PSG6: variants seen among roughly 807,000 people sequenced by gnomAD.
PSG6 encodes pregnancy-specific beta-1-glycoprotein 6.
In PSG6, 51 loss-of-function variants were observed where a neutral mutation model predicts 43.3. The observed-to-expected ratio is 1.18, with a 90% confidence interval of 0.94 to 1.49. The LOEUF is 1.49. PSG6 is among the 40% of genes most tolerant of loss of function. The pLI, the probability that PSG6 is intolerant of heterozygous loss-of-function variation, is 0.00. For missense variants in PSG6, 770 were observed against 522.2 expected (o/e 1.47, Z -4.62); for synonymous variants, 292 against 197.6 (o/e 1.48, Z -4.01).
intron 2 of PSG6, among the ~76,000 whole-genome samples, chr19:42,914,306 G>T (rs113486266): frequency 2.6e-5 from 4 of 151,342 alleles, no homozygotes; most frequent in African/African-American, 9.7e-5. Context: ...CAGTGTTAGC[G>T]GGAAGGGAAC....
At position 42,902,428 on chromosome 19, in the gene PSG6, T is replaced by A. The variant is rs765634765; in HGVS notation, c.1259A>T (p.Gln420Leu). 2 of 1,611,290 alleles carry A rather than the reference T, an allele frequency of 1.2e-6. No individual in the cohort carries two copies. The highest frequency in any genetic ancestry group is 1.7e-6 in the Non-Finnish European group (2 of 1,178,452). Reference sequence around the variant, plus strand: ...TGGCAGCCATTAATGAGACTCTGTCTGGTTTCCATGGCAGGGACCTGATTG... The same window carrying A: ...TGGCAGCCATTAATGAGACTCTGTCAGGTTTCCATGGCAGGGACCTGATTG... ...VKVSGPCHGN[Q>L]TESH Residue 420 changes from glutamine to leucine, a missense_variant, in exon 6 of 6, where the codon CAG becomes CTG. Transcript: ENST00000187910.
intron 5 of PSG6, among the ~76,000 whole-genome samples, chr19:42,903,086 T>C (rs1288723252): frequency 6.6e-6 from 1 of 151,602 alleles, no homozygotes; most frequent in Non-Finnish European, 1.5e-5. Flanking sequence ...TTTCCTGGTG[T>C]CATATGGCTA....
chr19:42,914,929 A>G lies in PSG6; in HGVS notation c.427+1196T>C, dbSNP rs187311344. ...GTTAAGATCTGAGGGGGAGACCTGGACATTTTTTTTGCACTGACTCTGGCG... is the reference window on the plus strand; with the variant it reads ...GTTAAGATCTGAGGGGGAGACCTGGGCATTTTTTTTGCACTGACTCTGGCG... On this transcript the variant is annotated intron_variant, in intron 2 of 5. Coordinates refer to ENST00000187910, the MANE Select transcript of PSG6 (RefSeq NM_001031850.4). Among the ~76,000 whole-genome samples the G allele has an allele frequency of 1.6e-4, 24 of 151,722 alleles. 1 individual carries two copies. Among genetic ancestry groups the G allele is most frequent in the African/African-American group, 5.6e-4 (23 of 41,366 alleles).
Position 42,906,939 on chromosome 19 carries a change from A to G in PSG6, c.1223T>C (p.Met408Thr), listed in dbSNP as rs749933600. Reference protein sequence around the residue: ...SATGKEISKSMIVKVSGPCHG... With the variant: ...SATGKEISKSTIVKVSGPCHG... ...CCACTTACCAGAGACTTTGACTATC[A>G]TGGATTTGGAGATTTCCTTGCCAGT... is the stretch of plus-strand genomic sequence containing the variant. The change falls in exon 5 of 6, where the codon ATG (methionine) becomes ACG (threonine). Residue 408 changes from methionine (M) to threonine (T), a missense_variant. By Grantham distance (81) the Met-to-Thr change is moderately conservative (BLOSUM62 -1). Transcript: ENST00000187910. The G allele has an allele frequency of 6.2e-7, 1 of 1,612,308 alleles. No individual in the cohort carries two copies. Among genetic ancestry groups the G allele is most frequent in the Non-Finnish European group, 8.5e-7 (1 of 1,179,070 alleles).
chr19:42,913,418 T>C (rs1039219055), intron 2 of PSG6, among the ~76,000 whole-genome samples: 5 of 151,850 alleles, frequency 3.3e-5, no homozygotes, highest in African/African-American at 1.2e-4. Flanking sequence ...GTGCTGGGAT[T>C]ATAGGCGTGA....
Position 42,915,488 on chromosome 19 carries a change from G to T in PSG6, c.427+637C>A, listed in dbSNP as rs530545979. The T allele has an allele frequency of 1.9e-5, 3 of 154,106 alleles. 1 individual carries two copies. The highest frequency in any genetic ancestry group is 4.1e-4 in the South Asian group (2 of 4,820). 9.5% of individuals were successfully genotyped at this position (154,106 alleles called of 1,614,324 possible). ...TGTCCTAGGCCTCCTAAGGCAGTTG[G>T]CTGATGGCCTACAAAGCTTGTCTTT... On this transcript the variant is annotated intron_variant, in intron 2 of 5. Coordinates refer to ENST00000187910, the MANE Select transcript of PSG6 (RefSeq NM_001031850.4).
chr19:42,915,195 C>T (rs1315618738), intron 2 of PSG6: 3 of 151,650 alleles, frequency 2.0e-5, no homozygotes, highest in East Asian at 1.9e-4. Flanking sequence ...GTGACTGTGC[C>T]TTCCTGTGCC....
rs778158670 is a variant in PSG6, at chr19:42,907,736, A to G, written c.825T>C (p.Asn275=). 4 of 1,610,732 alleles carry G rather than the reference A, an allele frequency of 2.5e-6. No homozygotes were observed. In the East Asian group the frequency reaches 8.9e-5, roughly 36 times the overall value. ...TCGGACTGACCGGGAGGCTCTGACCATTTAGCCACCAAATGTAGGTGTAGT... is the reference window on the plus strand; with the variant it reads ...TCGGACTGACCGGGAGGCTCTGACCGTTTAGCCACCAAATGTAGGTGTAGT... ...SRNYTYIWWL[N]GQSLPVSPRV... Residue 275 remains asparagine, a synonymous_variant, in exon 4 of 6, where the codon AAT becomes AAC. Transcript: ENST00000187910.
In PSG6 at chr19:42,907,078, C is replaced by G. The variant is rs74994349; in HGVS notation, c.1084G>C (p.Glu362Gln). Residue 362 changes from glutamate (E) to glutamine (Q), a missense_variant, in exon 5 of 6, where the codon GAG becomes CAG. Transcript: ENST00000187910. ...SCFADSNPPA[E>Q]YSWTINGKFQ... ...TTCCCATTAATTGTCCAAGAATACT[C>G]TGCCGGTGGGTTAGAGTCCGCAAAG... is the stretch of plus-strand genomic sequence containing the variant. The G allele has an allele frequency of 2.9e-3, 4,672 of 1,612,712 alleles. 198 individuals carry two copies. In the East Asian group the frequency reaches 0.058, roughly 20 times the overall value.
At position 42,902,273 on chromosome 19, in the gene PSG6, C is replaced by T. The variant is rs951755069; in HGVS notation, c.*139G>A. ...GAATAAAACATTCCAAGAATCAGCACATTTTCCAATAAAAAATTATGAAAA... is the reference window on the plus strand; with the variant it reads ...GAATAAAACATTCCAAGAATCAGCATATTTTCCAATAAAAAATTATGAAAA... On this transcript the variant is annotated 3_prime_UTR_variant, in exon 6 of 6. Coordinates refer to ENST00000187910, the MANE Select transcript of PSG6 (RefSeq NM_001031850.4). 2.1e-5 allele frequency: 23 copies of T among 1,101,970 alleles called. No individual in the cohort carries two copies. Among genetic ancestry groups the T allele is most frequent in the South Asian group, 4.1e-5 (2 of 48,248 alleles). The allele number at this position is 1,101,970 out of a possible 1,614,324, so 68.3% of individuals were successfully genotyped here. A position where few individuals can be genotyped will look rare whatever the true frequency, so the allele number is the denominator to read the frequency against.
intron 4 of PSG6, 73 bp from the exon 5 acceptor site, chr19:42,907,249 C>G: frequency 6.4e-7 from 1 of 1,557,320 alleles, no homozygotes; most frequent in South Asian, 1.3e-5. Flanking sequence ...CTTAAAGGGA[C>G]ACAGTGACCC....
Position 42,916,450 on chromosome 19 carries a change from G to C in PSG6, c.102C>G (p.Ala34=), listed in dbSNP as rs774696332. The change falls in exon 2 of 6, where the codon GCC becomes GCG. Residue 34 remains alanine (A), a synonymous_variant. Coordinates refer to ENST00000187910, the MANE Select transcript of PSG6 (RefSeq NM_001031850.4). ...LLNFWNLPTT[A]QVIIEAKPPK... ...GTGGCTTGGCTTCAATTATTACTTGGGCAGTGGTGGGCAGGTTCCAGAAGT... is the reference window on the plus strand; with the variant it reads ...GTGGCTTGGCTTCAATTATTACTTGCGCAGTGGTGGGCAGGTTCCAGAAGT... The C allele has an allele frequency of 6.2e-7, 1 of 1,611,672 alleles. No homozygotes were observed. Among genetic ancestry groups the C allele is most frequent in the Non-Finnish European group, 8.5e-7 (1 of 1,178,880 alleles).
At chr19:42,902,741 G>T (rs1173498533) in intron 5 of PSG6, among the ~76,000 whole-genome samples, 1 of 151,250 alleles carries the variant, frequency 6.6e-6, no homozygotes, top group Non-Finnish European at 1.5e-5. Context: ...TTCCCTCACA[G>T]GTGTCTTCCC....
intron 1 of PSG6, 50 bp from the exon 2 acceptor site, chr19:42,916,537 T>G (rs1408946145): frequency 2.5e-6 from 4 of 1,569,464 alleles, no homozygotes; most frequent in African/African-American, 1.4e-5. Flanking sequence ...TGTATTGGGG[T>G]GAAAAGATGG....
At position 42,910,559 on chromosome 19, in the gene PSG6, A is replaced by T. The variant is rs369740844; in HGVS notation, c.706+21T>A. 6.8e-6 allele frequency: 11 copies of T among 1,612,492 alleles called. 1 individual carries two copies. Among genetic ancestry groups the T allele is most frequent in the Non-Finnish European group, 9.3e-6 (11 of 1,179,294 alleles). ...TATTTGGGATGGCAGCCTGGCTCAC[A>T]GAGGAACAGAAGATACTCACGGAGG... On this transcript the variant is annotated intron_variant, in intron 3 of 5. Coordinates refer to ENST00000187910, the MANE Select transcript of PSG6 (RefSeq NM_001031850.4).
In PSG6 at chr19:42,906,956, C is replaced by T. The variant is rs185561006; in HGVS notation, c.1206G>A (p.Lys402=). The stretch of plus-strand genomic sequence containing the variant: ...TGACTATCATGGATTTGGAGATTTC[C>T]TTGCCAGTGGCTGAGTTACGAACAG... ...ACSVRNSATG[K]EISKSMIVKV... Residue 402 remains lysine, a synonymous_variant, in exon 5 of 6, where the codon AAG becomes AAA. Coordinates refer to ENST00000187910, the MANE Select transcript of PSG6 (RefSeq NM_001031850.4). The T allele has an allele frequency of 7.9e-4, 1,279 of 1,612,396 alleles. 51 individuals are homozygous for T. In the South Asian group the frequency reaches 0.01, roughly 13 times the overall value.
chr19:42,907,282 A>G (rs1972133065), intron 4 of PSG6, 106 bp from the exon 5 acceptor site: 2 of 1,510,636 alleles, frequency 1.3e-6, no homozygotes, highest in Non-Finnish European at 1.8e-6. Flanking sequence ...CACAACCTCA[A>G]GTGACAGCCA....
At chr19:42,903,091 T>C (rs1399979605) in intron 5 of PSG6, among the ~76,000 whole-genome samples, 1 of 151,626 alleles carries the variant, frequency 6.6e-6, no homozygotes, top group Non-Finnish European at 1.5e-5. Flanking sequence ...TGGTGTCATA[T>C]GGCTAGTGAC....
intron 2 of PSG6, among the ~76,000 whole-genome samples, chr19:42,913,293 G>A (rs1462719791): frequency 6.6e-5 from 10 of 151,676 alleles, no homozygotes; most frequent in East Asian, 3.9e-4. Context: ...TGGGACTACA[G>A]GTGACCACCA....
Sources: gnomAD v4.1 joint callset for allele counts (sites outside exome capture counted in the v4.1 genomes callset) on GRCh38, gnomAD v4.1.1 for gene constraint, MANE v1.5 for transcripts, NCBI Gene and HGNC (gene_info 2026-07-23, HGNC 2026-07-21) for gene names.